The following TRDN variants were observed in gnomAD, a reference collection of about 807,000 sequenced individuals.
The protein encoded by TRDN is triadin, also known as triadin in skeletal muscle.
A neutral mutation model predicts 149.7 loss-of-function variants in TRDN; 161 were observed. That is an observed-to-expected ratio of 1.08 (90% confidence interval 0.95 to 1.23). The LOEUF (loss-of-function observed/expected upper bound fraction) is 1.23. Ranked by LOEUF, TRDN falls within the 50% of genes most tolerant of loss-of-function variation. The probability of loss-of-function intolerance (pLI) is 0.00; values close to 1 mark genes in which losing one functional copy is unlikely to be tolerated. For synonymous variants in TRDN, 294 were observed against 250.5 expected, an observed-to-expected ratio of 1.17 and a Z score of -1.64; for missense variants, 896 against 823.5, an observed-to-expected ratio of 1.09 and a Z score of -1.08.
chr6:123,473,904 T>C (rs1285727064), intron 9 of TRDN, among the ~76,000 whole-genome samples: 3 of 152,048 alleles, frequency 2.0e-5, no homozygotes, highest in African/African-American at 7.2e-5. Context: ...TGAGAGATTT[T>C]GTCACCACCA....
chr6:123,418,761 T>C (rs1013935363), intron 12 of TRDN, among the ~76,000 whole-genome samples: 1 of 152,048 alleles, frequency 6.6e-6, no homozygotes. Flanking sequence ...ACGATGAGGG[T>C]TGTGCATCCA....
chr6:123,230,040 T>C (rs561402923), intron 38 of TRDN, among the ~76,000 whole-genome samples: 193 of 151,906 alleles, frequency 1.3e-3, no homozygotes, highest in Non-Finnish European at 2.6e-3. Context: ...TATCTATCAA[T>C]AGTTACCATA....
chr6:123,321,321 A>G (rs1311719209), intron 23 of TRDN, among the ~76,000 whole-genome samples: 1 of 152,148 alleles, frequency 6.6e-6, no homozygotes, highest in Non-Finnish European at 1.5e-5. Flanking sequence ...ATTTTAAACT[A>G]CTTTTCTCGC....
intron 4 of TRDN, among the ~76,000 whole-genome samples, chr6:123,538,436 T>C (rs1436031846): frequency 1.3e-5 from 2 of 152,160 alleles, no homozygotes; most frequent in Admixed American, 6.5e-5. Context: ...AATATCTGTA[T>C]ATTCTTTGAT....
intron 9 of TRDN, among the ~76,000 whole-genome samples, chr6:123,493,146 G>A (rs757197262): frequency 3.9e-5 from 6 of 152,084 alleles, no homozygotes; most frequent in Non-Finnish European, 4.4e-5. Context: ...TATGCCAGTT[G>A]CCCATAGGAC....
chr6:123,525,325 T>G (rs1779890367), intron 5 of TRDN, among the ~76,000 whole-genome samples: 1 of 152,008 alleles, frequency 6.6e-6, no homozygotes, highest in South Asian at 2.1e-4. Context: ...AGTGGCTGAT[T>G]GGGTAAAGAA....
intron 12 of TRDN, among the ~76,000 whole-genome samples, chr6:123,427,018 T>C (rs1368028495): frequency 6.6e-6 from 1 of 152,064 alleles, no homozygotes; most frequent in African/African-American, 2.4e-5. Context: ...AGGCTTATTG[T>C]CTTTGGGGTT....
At chr6:123,300,948 T>C (rs1298759527) in intron 24 of TRDN, among the ~76,000 whole-genome samples, 1 of 151,976 alleles carries the variant, frequency 6.6e-6, no homozygotes, top group African/African-American at 2.4e-5. Flanking sequence ...TTTTACTACA[T>C]AACTTACATA....
intron 24 of TRDN, among the ~76,000 whole-genome samples, chr6:123,290,346 A>G (rs1332135769): frequency 6.6e-6 from 1 of 152,042 alleles, no homozygotes; most frequent in Non-Finnish European, 1.5e-5. Flanking sequence ...GCATTGTGAT[A>G]TGTGTTGTGT....
chr6:123,350,121 C>T, intron 21 of TRDN: 1 of 973,518 alleles, frequency 1.0e-6, no homozygotes, highest in Non-Finnish European at 1.2e-6. Context: ...TGTTTACTAA[C>T]TGTGTTAAAA....
At chr6:123,377,556 G>A (rs995394640) in intron 18 of TRDN, among the ~76,000 whole-genome samples, 160 bp downstream of exon 18, 1 of 152,152 alleles carries the variant, frequency 6.6e-6, no homozygotes, top group Non-Finnish European at 1.5e-5. Context: ...TTCTAAAACT[G>A]CATTGATGTT....
At chr6:123,296,524 C>T (rs968262809) in intron 24 of TRDN, among the ~76,000 whole-genome samples, 8 of 151,912 alleles carry the variant, frequency 5.3e-5, no homozygotes, top group Non-Finnish European at 1.2e-4. Context: ...ATTCATGAAA[C>T]TTTTAATTAT....
At position 123,503,759 on chromosome 6, in the gene TRDN, C is replaced by T; in HGVS notation, c.753G>A (p.Glu251=). Residue 251 remains glutamate (E), a synonymous_variant, in exon 8 of 41, where the codon GAG becomes GAA. Coordinates refer to ENST00000334268, the MANE Select transcript of TRDN (RefSeq NM_006073.4). ...QKTPSKPKEK[E]DKEKAAVSKH... Reference sequence around the variant, plus strand: ...TTGACACAGCTGCTTTCTCTTTGTCCTCCTTTTCTTTGGGTTTTGATGGTG... The same window carrying T: ...TTGACACAGCTGCTTTCTCTTTGTCTTCCTTTTCTTTGGGTTTTGATGGTG... 6.2e-7 allele frequency: 1 copy of T among 1,613,630 alleles called. No homozygotes were observed. Among genetic ancestry groups the T allele is most frequent in the Non-Finnish European group, 8.5e-7 (1 of 1,179,784 alleles).
chr6:123,447,168 C>A (rs2114636525), intron 10 of TRDN, among the ~76,000 whole-genome samples: 1 of 152,148 alleles, frequency 6.6e-6, no homozygotes, highest in South Asian at 2.1e-4. Context: ...CTGCTCTTCT[C>A]ATTATCAACT....
At chr6:123,446,453 T>C (rs113590192) in intron 10 of TRDN, among the ~76,000 whole-genome samples, 22,630 of 151,330 alleles carry the variant, frequency 0.15, 2,410 homozygotes, top group African/African-American at 0.3. Flanking sequence ...GGCGTGGTGG[T>C]GGGCACCTGT....
At chr6:123,586,787 A>G (rs10872269) in intron 1 of TRDN, among the ~76,000 whole-genome samples, 59,864 of 151,486 alleles carry the variant, frequency 0.4, 12,092 homozygotes, top group Non-Finnish European at 0.42. Context: ...CAGAGAAAAG[A>G]GAGAGTAGAG....
chr6:123,334,056 G>T (rs1460235924), intron 22 of TRDN, among the ~76,000 whole-genome samples: 3 of 152,016 alleles, frequency 2.0e-5, no homozygotes, highest in Non-Finnish European at 2.9e-5. Context: ...CAGTAACGAG[G>T]AACTGGGTTA....
At chr6:123,343,492 G>T (rs907799199) in intron 21 of TRDN, among the ~76,000 whole-genome samples, 88 of 151,672 alleles carry the variant, frequency 5.8e-4, no homozygotes, top group Middle Eastern at 3.4e-3. Flanking sequence ...AAATATAATT[G>T]AATATAAGAA....
intron 1 of TRDN, among the ~76,000 whole-genome samples, chr6:123,572,318 C>A (rs1455079600): frequency 6.6e-6 from 1 of 151,920 alleles, no homozygotes; most frequent in Non-Finnish European, 1.5e-5. Flanking sequence ...AACACTTTAA[C>A]CTTTATGTTG....
Sources: gnomAD v4.1 joint callset for allele counts (sites outside exome capture counted in the v4.1 genomes callset) on GRCh38, gnomAD v4.1.1 for gene constraint, MANE v1.5 for transcripts, NCBI Gene and HGNC (gene_info 2026-07-23, HGNC 2026-07-21) for gene names.